GALNS: variants seen among roughly 807,000 people sequenced by gnomAD.
GALNS encodes N-acetylgalactosamine-6-sulfatase.
A neutral mutation model predicts 65.9 loss-of-function variants in GALNS; 65 were observed. That is an observed-to-expected ratio of 0.99 (90% CI 0.81 to 1.21). The LOEUF is 1.21. Among genes scored for constraint, GALNS ranks in the 50% most tolerant of loss-of-function variants. The pLI is 0.00. For synonymous variants in GALNS, 346 were observed against 288.9 expected, an observed-to-expected ratio of 1.20 and a Z score of -2.00; for missense variants, 776 against 700.7, an observed-to-expected ratio of 1.11 and a Z score of -1.21.
chr16:88,844,032 T>C (rs971527008), intron 1 of GALNS: 2 of 152,042 alleles, frequency 1.3e-5, no homozygotes, highest in Non-Finnish European at 2.9e-5. Context: ...CGGTTTCTTC[T>C]TGGGATGGAC....
At chr16:88,856,411 G>T in intron 1 of GALNS, 1 of 701,432 alleles carries the variant, frequency 1.4e-6, no homozygotes, top group South Asian at 1.5e-5. Flanking sequence ...GGAAAGGTCA[G>T]ACGGGGGAGG....
At chr16:88,840,819 G>T (rs986647961) in intron 4 of GALNS, 173 bp downstream of exon 4, 2 of 658,996 alleles carry the variant, frequency 3.0e-6, no homozygotes, top group South Asian at 3.3e-5. Flanking sequence ...TGCTGGCAAG[G>T]TCACGCTGGC....
chr16:88,822,739 T>C (rs1567517297), intron 11 of GALNS, 29 bp from the exon 12 acceptor site: 3 of 1,607,524 alleles, frequency 1.9e-6, no homozygotes, highest in Non-Finnish European at 2.5e-6. Flanking sequence ...AGGTGTGTCC[T>C]GGAGCCCCTG....
At chr16:88,816,039 G>T in intron 13 of GALNS, 1 of 985,412 alleles carries the variant, frequency 1.0e-6, no homozygotes, top group Non-Finnish European at 1.2e-6. Flanking sequence ...TCACACGCGT[G>T]TCTGTGCATC....
In GALNS at chr16:88,814,526, C is replaced by T. The variant is rs1223848239; in HGVS notation, c.1483-1G>A. On this transcript the variant is annotated splice_acceptor_variant, in intron 13 of 13. Transcript: ENST00000268695. LOFTEE classifies it high-confidence loss of function. Reference sequence around the variant, plus strand: ...TTTCACAGCCCGGAGGTGCCCAGTTCTGGGAAATGAAAATTGAGAAAAAGA... The same window carrying T: ...TTTCACAGCCCGGAGGTGCCCAGTTTTGGGAAATGAAAATTGAGAAAAAGA... The T allele has an allele frequency of 6.4e-7, 1 of 1,554,424 alleles. No individual in the cohort carries two copies. The highest frequency in any genetic ancestry group is 1.4e-5 in the African/African-American group (1 of 73,352).
intron 1 of GALNS, 190 bp from the exon 2 acceptor site, chr16:88,843,019 C>T (rs2143005677): frequency 6.6e-7 from 1 of 1,524,452 alleles, no homozygotes; most frequent in Non-Finnish European, 8.8e-7. Context: ...CCGCTCCACG[C>T]CAGCCCAAAC....
chr16:88,847,450 G>A (rs775108064), intron 1 of GALNS, among the ~76,000 whole-genome samples: 2 of 152,198 alleles, frequency 1.3e-5, no homozygotes, highest in Non-Finnish European at 2.9e-5. Flanking sequence ...AGTGGCTCCA[G>A]GACTCACCCA....
chr16:88,826,906 C>T, intron 9 of GALNS, 68 bp from the exon 10 acceptor site: 2 of 1,539,990 alleles, frequency 1.3e-6, no homozygotes, highest in Non-Finnish European at 1.8e-6. Flanking sequence ...GGGCCAATCC[C>T]TGGGGGGGCG....
chr16:88,814,340 G>T lies in GALNS; in HGVS notation c.*99C>A. On this transcript the variant is annotated 3_prime_UTR_variant, in exon 14 of 14. Coordinates refer to ENST00000268695, the MANE Select transcript of GALNS (RefSeq NM_000512.5). ...TCTGCAGGTGCTGTCTGTCTGGCTT[G>T]GGCAGGGTTGGGGGAGGACCGAGGC... 3 of 1,469,882 alleles carry T rather than the reference G, an allele frequency of 2.0e-6. No homozygotes were observed. Among genetic ancestry groups the T allele is most frequent in the Non-Finnish European group, 1.9e-6 (2 of 1,076,058 alleles). 91.1% of individuals were successfully genotyped at this position (1,469,882 alleles called of 1,614,324 possible).
chr16:88,824,976 G>T, intron 10 of GALNS, 107 bp from the exon 11 acceptor site: 4 of 861,412 alleles, frequency 4.6e-6, no homozygotes, highest in Non-Finnish European at 7.7e-6. Context: ...TCCACGTGAG[G>T]TCTTGGTTGA....
intron 8 of GALNS, among the ~76,000 whole-genome samples, chr16:88,832,361 C>G (rs767656792): frequency 1.3e-5 from 2 of 152,218 alleles, no homozygotes; most frequent in Non-Finnish European, 2.9e-5. Flanking sequence ...GTCAGCAAGA[C>G]TCAGAGAGGT....
At chr16:88,843,196 G>A (rs1967069214) in intron 1 of GALNS, 1 of 1,341,486 alleles carries the variant, frequency 7.5e-7, no homozygotes. Context: ...CTAAACACGT[G>A]CATCTATTTT....
At chr16:88,854,705 G>A (rs1486189025) in intron 1 of GALNS, among the ~76,000 whole-genome samples, 1 of 152,240 alleles carries the variant, frequency 6.6e-6, no homozygotes, top group Non-Finnish European at 1.5e-5. Context: ...CAGGCTGAGT[G>A]AGGATGTGGC....
chr16:88,854,081 A>G (rs1275880990), intron 1 of GALNS, among the ~76,000 whole-genome samples: 1 of 152,208 alleles, frequency 6.6e-6, no homozygotes, highest in African/African-American at 2.4e-5. Flanking sequence ...AGGACTGGAT[A>G]GGGGGAGACT....
chr16:88,856,363 C>T (rs376660164), intron 1 of GALNS: 3 of 701,678 alleles, frequency 4.3e-6, no homozygotes, highest in Non-Finnish European at 7.8e-6. Flanking sequence ...TTTGGGGAGG[C>T]CACGCTGCGC....
intron 1 of GALNS, chr16:88,856,013 G>A (rs1484705378): frequency 1.7e-6 from 1 of 604,124 alleles, no homozygotes; most frequent in Non-Finnish European, 3.0e-6. Context: ...GAGACAGTAG[G>A]GTTTCAACCC....
chr16:88,815,336 T>C, intron 13 of GALNS: 1 of 985,446 alleles, frequency 1.0e-6, no homozygotes, highest in Non-Finnish European at 1.2e-6. Flanking sequence ...CACCCTGAGC[T>C]TCTCAACTCA....
rs761967863 is a variant in GALNS, at chr16:88,841,988, G to A, written c.245-17C>T. On this transcript the variant is annotated splice_polypyrimidine_tract_variant and intron_variant, in intron 2 of 13. Coordinates refer to ENST00000268695, the MANE Select transcript of GALNS (RefSeq NM_000512.5). ...CCGCCCTCGCTATGTGGAGGTGACA[G>A]AAACAGAAACTGGATAAGAAGGGTG... is the stretch of plus-strand genomic sequence containing the variant. The A allele has an allele frequency of 4.7e-5, 76 of 1,605,636 alleles. No individual in the cohort carries two copies. The highest frequency in any genetic ancestry group is 6.2e-5 in the Non-Finnish European group (73 of 1,175,724).
chr16:88,822,924 C>T (rs1910399076), intron 11 of GALNS, among the ~76,000 whole-genome samples: 1 of 152,192 alleles, frequency 6.6e-6, no homozygotes, highest in African/African-American at 2.4e-5. Context: ...GCTGGCTAAA[C>T]GCTGAAGGAC....
Sources: gnomAD v4.1 joint callset for allele counts (sites outside exome capture counted in the v4.1 genomes callset) on GRCh38, gnomAD v4.1.1 for gene constraint, MANE v1.5 for transcripts, NCBI Gene and HGNC (gene_info 2026-07-23, HGNC 2026-07-21) for gene names.